Variants in TTYH2 observed in about 807,000 individuals in gnomAD.
TTYH2 encodes protein tweety homolog 2.
TTYH2 carries 49 observed loss-of-function variants against 68.3 expected under a neutral mutation model. That is an observed-to-expected ratio of 0.72 (90% CI 0.57 to 0.91). The LOEUF (loss-of-function observed/expected upper bound fraction) is 0.91. Among genes scored for constraint, TTYH2 ranks in the 40% least tolerant of loss-of-function variants. TTYH2 has a pLI of 0.00. For synonymous variants in TTYH2, 272 were observed against 300.8 expected (o/e 0.90, Z 0.99); for missense variants, 631 against 700.4 (o/e 0.90, Z 1.12).
chr17:74,252,195 C>A lies in TTYH2; in HGVS notation c.1117-39C>A, dbSNP rs199510369. On this transcript the variant is annotated intron_variant, in intron 10 of 13. Coordinates refer to ENST00000269346, the MANE Select transcript of TTYH2 (RefSeq NM_032646.6). ...GAGCTCGGCCCGCAGGCTTTGCCCC[C>A]GCTCCTTCACTAGCTGCATGTCCCT... 35 of 1,607,708 alleles carry A rather than the reference C, an allele frequency of 2.2e-5. 1 individual carries two copies. Among genetic ancestry groups the A allele is most frequent in the East Asian group, 6.7e-5 (3 of 44,870 alleles).
Position 74,214,245 on chromosome 17 carries a change from G to T in TTYH2, c.129+529G>T, listed in dbSNP as rs1361675676. Among the ~76,000 whole-genome samples the T allele has an allele frequency of 2.0e-5, 3 of 152,182 alleles. No homozygotes were observed. Among genetic ancestry groups the T allele is most frequent in the African/African-American group, 7.2e-5 (3 of 41,430 alleles). On this transcript the variant is annotated intron_variant, in intron 1 of 13. Transcript: ENST00000269346. The surrounding 1 kb of genome is among the most constrained non-coding windows in gnomAD (Gnocchi z 4.6). ...CCTCCTCCCCAGCCCCGGCCTGCAGGGTGGGAGTCTCAGCTGGAAGGCTGC... is the reference window on the plus strand; with the variant it reads ...CCTCCTCCCCAGCCCCGGCCTGCAGTGTGGGAGTCTCAGCTGGAAGGCTGC...
At chr17:74,220,829 C>T (rs979089142) in intron 1 of TTYH2, among the ~76,000 whole-genome samples, 4 of 152,074 alleles carry the variant, frequency 2.6e-5, no homozygotes, top group Admixed American at 2.6e-4. Context: ...CTCTGTCACC[C>T]AGGCCGGAGT....
Position 74,215,659 on chromosome 17 carries a change from G to A in TTYH2, c.129+1943G>A. 6.5e-7 allele frequency: 1 copy of A among 1,535,726 alleles called. No homozygotes were observed. The highest frequency in any genetic ancestry group is 8.7e-7 in the Non-Finnish European group (1 of 1,146,910). ...CGCTGAGTAGGAGATGAGCGTGGTG[G>A]GCCAGGACCGGAAGTCTGGCTCTGG... is the stretch of plus-strand genomic sequence containing the variant. On this transcript the variant is annotated intron_variant, in intron 1 of 13. Coordinates refer to ENST00000269346, the MANE Select transcript of TTYH2 (RefSeq NM_032646.6). The surrounding 1 kb of genome is among the most constrained non-coding windows in gnomAD (Gnocchi z 4.3).
At chr17:74,244,912 G>A (rs141969992) in intron 6 of TTYH2, among the ~76,000 whole-genome samples, 22 of 152,138 alleles carry the variant, frequency 1.4e-4, no homozygotes, top group Middle Eastern at 6.8e-3. Context: ...GCACATGCAC[G>A]TGATAGAAGA....
chr17:74,217,571 T>C lies in TTYH2; in HGVS notation c.129+3855T>C, dbSNP rs1305394709. Among the ~76,000 whole-genome samples the C allele has an allele frequency of 2.6e-5, 4 of 152,026 alleles. No individual in the cohort carries two copies. The highest frequency in any genetic ancestry group is 5.9e-5 in the Non-Finnish European group (4 of 68,004). ...CCCATTCATCCAGTGTGAAATTGAG[T>C]CACGGTCATCAGACAGTCATGCCGC... On this transcript the variant is annotated intron_variant, in intron 1 of 13. Coordinates refer to ENST00000269346, the MANE Select transcript of TTYH2 (RefSeq NM_032646.6). This position sits in a 1 kb window ranked among gnomAD's most constrained non-coding sequence, Gnocchi z 4.0.
intron 1 of TTYH2, among the ~76,000 whole-genome samples, chr17:74,221,691 C>T (rs892269088): frequency 6.6e-6 from 1 of 152,184 alleles, no homozygotes; most frequent in Non-Finnish European, 1.5e-5. Context: ...GACTGGCTCC[C>T]ATTGCAGGGC....
At chr17:74,230,818 A>T in intron 2 of TTYH2, 70 bp from the exon 3 acceptor site, 1 of 1,537,046 alleles carries the variant, frequency 6.5e-7, no homozygotes, top group East Asian at 2.3e-5. Flanking sequence ...CCCTAAGCTT[A>T]TTTTTTAATA....
At chr17:74,251,068 G>A (rs1013039415) in intron 10 of TTYH2, among the ~76,000 whole-genome samples, 8 of 133,068 alleles carry the variant, frequency 6.0e-5, no homozygotes, top group East Asian at 3.2e-4. Context: ...GTGTGTGTGC[G>A]TGTGTGTGCA....
intron 2 of TTYH2, among the ~76,000 whole-genome samples, chr17:74,225,755 CCAGCACCTCCATCGG>C (rs2050323273): frequency 6.6e-6 from 1 of 152,164 alleles, no homozygotes; most frequent in South Asian, 2.1e-4. Flanking sequence ...CAGTCTCCTA[CCAGCACCTCCATCGG>C]CAGAAGCCAG....
At chr17:74,250,468 C>T (rs762287571) in intron 10 of TTYH2, 111 bp downstream of exon 10, 33 of 886,418 alleles carry the variant, frequency 3.7e-5, no homozygotes, top group Non-Finnish European at 5.5e-5. Flanking sequence ...GGTCCCCTTC[C>T]GGCCCAGGAA....
chr17:74,230,153 A>G (rs1016876662), intron 2 of TTYH2, among the ~76,000 whole-genome samples: 6 of 152,054 alleles, frequency 3.9e-5, no homozygotes, highest in Non-Finnish European at 8.8e-5. Flanking sequence ...ATAAAAATAA[A>G]GGGGTTAGAG....
In TTYH2 at chr17:74,229,616, C is replaced by T. The variant is rs867094081; in HGVS notation, c.303-1272C>T. Among the ~76,000 whole-genome samples the T allele has an allele frequency of 3.3e-5, 5 of 152,080 alleles. No homozygotes were observed. The East Asian group carries it at 5.8e-4, about 18-fold the overall frequency. On this transcript the variant is annotated intron_variant, in intron 2 of 13. Transcript: ENST00000269346. Reference sequence around the variant, plus strand: ...CAGAATTGCCAGAACTTGGAAGCAACGAAGATGTCTTTAACAGGTGAATGG... The same window carrying T: ...CAGAATTGCCAGAACTTGGAAGCAATGAAGATGTCTTTAACAGGTGAATGG...
At position 74,222,369 on chromosome 17, in the gene TTYH2, G is replaced by T; in HGVS notation, c.130-116G>T. The T allele has an allele frequency of 2.4e-6, 3 of 1,240,554 alleles. No individual in the cohort carries two copies. The South Asian group carries it at 4.6e-5, about 19-fold the overall frequency. The allele number at this position is 1,240,554 out of a possible 1,614,324, so 76.8% of individuals were successfully genotyped here. ...CTTGAACCCTAGGTGGAGCTTGGAA[G>T]GATGGACGAGAGATGCAGCTCAGGC... On this transcript the variant is annotated intron_variant, in intron 1 of 13. Transcript: ENST00000269346. This position sits in a 1 kb window ranked among gnomAD's most constrained non-coding sequence, Gnocchi z 5.2.
intron 13 of TTYH2, among the ~76,000 whole-genome samples, chr17:74,258,861 G>A (rs895515743): frequency 6.6e-6 from 1 of 152,062 alleles, no homozygotes; most frequent in Non-Finnish European, 1.5e-5. Context: ...CCACTGGGTC[G>A]AAAACCTCAT....
Position 74,214,986 on chromosome 17 carries a change from C to T in TTYH2, c.129+1270C>T, listed in dbSNP as rs1177166010. Among the ~76,000 whole-genome samples, 1 of 152,102 alleles carries T rather than the reference C, an allele frequency of 6.6e-6. No homozygotes were observed. The highest frequency in any genetic ancestry group is 1.5e-5 in the Non-Finnish European group (1 of 68,008). ...CCAGAGGGAGGGGAGCATCAGGACC[C>T]CTTCCTGGGGTTCAGTGGGCACTCA... On this transcript the variant is annotated intron_variant, in intron 1 of 13. Transcript: ENST00000269346. The surrounding 1 kb of genome is among the most constrained non-coding windows in gnomAD (Gnocchi z 4.6).
intron 2 of TTYH2, among the ~76,000 whole-genome samples, chr17:74,227,986 T>C (rs1400735012): frequency 7.1e-5 from 10 of 141,332 alleles, no homozygotes; most frequent in African/African-American, 2.9e-4. Context: ...TTTCTTTCTT[T>C]TTTTTTTTTT....
chr17:74,248,674 G>T, intron 6 of TTYH2: 13 of 1,179,762 alleles, frequency 1.1e-5, no homozygotes, highest in Non-Finnish European at 1.4e-5. Context: ...GCCCCCAAAG[G>T]TCTGTCCCAG....
In TTYH2 at chr17:74,241,287, GT is replaced by G. The variant is rs2050497807; in HGVS notation, c.636-2086del. 6.6e-6 allele frequency among the ~76,000 whole-genome samples: 1 copy of G among 151,474 alleles called. No individual in the cohort carries two copies. Among genetic ancestry groups the G allele is most frequent in the Non-Finnish European group, 1.5e-5 (1 of 67,998 alleles). ...CGTGTGTGTGTGTGTGTGTGTGTGT[GT>G]GTGTGTGTGCGTGTAAAAATAAGAA... On this transcript the variant is annotated intron_variant, in intron 4 of 13. Coordinates refer to ENST00000269346, the MANE Select transcript of TTYH2 (RefSeq NM_032646.6). This position sits in a 1 kb window ranked among gnomAD's most constrained non-coding sequence, Gnocchi z 4.1.
chr17:74,240,259 A>G (rs578235029), intron 4 of TTYH2, among the ~76,000 whole-genome samples: 16 of 152,234 alleles, frequency 1.1e-4, no homozygotes, highest in African/African-American at 2.9e-4. Flanking sequence ...GGCAACATGG[A>G]GAAACCTCAT....
Sources: gnomAD v4.1 joint callset for allele counts (sites outside exome capture counted in the v4.1 genomes callset) on GRCh38, gnomAD v4.1.1 for gene constraint, Gnocchi (gnomAD v3.1) non-coding constraint, MANE v1.5 for transcripts, NCBI Gene and HGNC (gene_info 2026-07-23, HGNC 2026-07-21) for gene names.